IGF2BP1: variants seen among roughly 807,000 people sequenced by gnomAD.
The protein encoded by IGF2BP1 is insulin like growth factor 2 mRNA binding protein 1, also known as insulin-like growth factor 2 mRNA-binding protein 1.
IGF2BP1 carries 11 observed loss-of-function variants against 74.9 expected under a neutral mutation model. That is an observed-to-expected ratio of 0.15 (90% CI 0.09 to 0.24). IGF2BP1 has a LOEUF of 0.24. Among genes scored for constraint, IGF2BP1 ranks in the 10% least tolerant of loss-of-function variants. IGF2BP1 has a pLI of 1.00. For missense variants in IGF2BP1, 440 were observed against 757.4 expected, an observed-to-expected ratio of 0.58 and a Z score of 4.92; for synonymous variants, 287 against 281.8, an observed-to-expected ratio of 1.02 and a Z score of -0.18.
chr17:49,049,299 A>G, intron 14 of IGF2BP1, 53 bp from the exon 15 acceptor site: 3 of 1,499,830 alleles, frequency 2.0e-6, no homozygotes, highest in Admixed American at 1.7e-5. Context: ...CTTCCGTGGA[A>G]GGCTGTCTCC....
In IGF2BP1 at chr17:48,997,769, C is replaced by T. The variant is rs779595957; in HGVS notation, c.24C>T (p.Asn8=). The T allele has an allele frequency of 6.2e-7, 1 of 1,613,992 alleles. No homozygotes were observed. Among genetic ancestry groups the T allele is most frequent in the South Asian group, 1.1e-5 (1 of 91,048 alleles). ...CCATGAACAAGCTTTACATCGGCAA[C>T]CTCAACGAGAGCGTGACCCCCGCGG... MNKLYIG[N]LNESVTPADL... Residue 8 remains asparagine (N), a synonymous_variant, in exon 1 of 15, where the codon AAC becomes AAT. Coordinates refer to ENST00000290341, the MANE Select transcript of IGF2BP1 (RefSeq NM_006546.4). The surrounding 1 kb of genome is among the most constrained non-coding windows in gnomAD (Gnocchi z 4.8).
intron 4 of IGF2BP1, among the ~76,000 whole-genome samples, chr17:49,028,214 G>A (rs2041881064): frequency 6.6e-6 from 1 of 152,174 alleles, no homozygotes; most frequent in African/African-American, 2.4e-5. Context: ...AAGTGACTTT[G>A]GTTGGACATA....
rs764045800 is a variant in IGF2BP1, at chr17:48,997,736, G to T, written c.-10G>T. On this transcript the variant is annotated 5_prime_UTR_variant, in exon 1 of 15. Transcript: ENST00000290341. This position sits in a 1 kb window ranked among gnomAD's most constrained non-coding sequence, Gnocchi z 4.8. Reference sequence around the variant, plus strand: ...TGCCCGGGACCGCGTCCTGCCCCGAGACCGCCACCATGAACAAGCTTTACA... The same window carrying T: ...TGCCCGGGACCGCGTCCTGCCCCGATACCGCCACCATGAACAAGCTTTACA... The T allele has an allele frequency of 1.7e-5, 27 of 1,612,008 alleles. No homozygotes were observed. The East Asian group carries it at 6.0e-4, about 36-fold the overall frequency.
chr17:49,010,948 G>C (rs986526991), intron 2 of IGF2BP1, among the ~76,000 whole-genome samples: 2 of 151,454 alleles, frequency 1.3e-5, no homozygotes, highest in Non-Finnish European at 2.9e-5. Flanking sequence ...GGACCAGCCT[G>C]GCTAACATTG....
At position 49,045,887 on chromosome 17, in the gene IGF2BP1, C is replaced by T; in HGVS notation, c.1396-3C>T. On this transcript the variant is annotated splice_polypyrimidine_tract_variant and splice_region_variant and intron_variant, in intron 12 of 14. Coordinates refer to ENST00000290341, the MANE Select transcript of IGF2BP1 (RefSeq NM_006546.4). ...CTGATTAACAATTACCTCCTCTTCT[C>T]AGGCTCAGGGAAGAATCTATGGCAA... The T allele has an allele frequency of 6.2e-7, 1 of 1,613,338 alleles. No individual in the cohort carries two copies.
At chr17:49,019,826 C>T (rs191312391) in intron 2 of IGF2BP1, among the ~76,000 whole-genome samples, 1 of 136,054 alleles carries the variant, frequency 7.4e-6, no homozygotes, top group Non-Finnish European at 1.6e-5. Flanking sequence ...TCACTGCAAC[C>T]TCTGCTTCCC....
chr17:49,000,862 C>T (rs1017792022), intron 2 of IGF2BP1, among the ~76,000 whole-genome samples: 4 of 151,910 alleles, frequency 2.6e-5, no homozygotes, highest in Admixed American at 6.6e-5. Context: ...CATTTCTAGG[C>T]CCTTTTTCCC....
At chr17:49,038,978 A>G (rs545245950) in intron 6 of IGF2BP1, among the ~76,000 whole-genome samples, 8 of 151,224 alleles carry the variant, frequency 5.3e-5, no homozygotes, top group Non-Finnish European at 1.2e-4. Flanking sequence ...CCCGGGTTCA[A>G]GCAATTCTCC....
chr17:49,030,647 A>G (rs2041911336), intron 4 of IGF2BP1, among the ~76,000 whole-genome samples: 1 of 150,094 alleles, frequency 6.7e-6, no homozygotes, highest in South Asian at 2.1e-4. Flanking sequence ...CTTTTTTGAG[A>G]CAGAGTCTCG....
chr17:49,042,570 GAGT>G (rs749650197), intron 9 of IGF2BP1, among the ~76,000 whole-genome samples, 193 bp downstream of exon 9: 21 of 152,184 alleles, frequency 1.4e-4, no homozygotes, highest in South Asian at 4.1e-4. Flanking sequence ...CTGGTTCCTA[GAGT>G]AGGGGTCCAA....
At chr17:49,025,304 G>T (rs969575315) in intron 2 of IGF2BP1, among the ~76,000 whole-genome samples, 1 of 142,962 alleles carries the variant, frequency 7.0e-6, no homozygotes, top group African/African-American at 2.6e-5. Flanking sequence ...AAAGTGGTGG[G>T]ACAAACAAAG....
At chr17:49,009,975 G>A (rs1326429219) in intron 2 of IGF2BP1, among the ~76,000 whole-genome samples, 1 of 151,838 alleles carries the variant, frequency 6.6e-6, no homozygotes. Flanking sequence ...AGCTACTCGG[G>A]AGTCTGAGGC....
chr17:49,007,849 C>G lies in IGF2BP1; in HGVS notation c.236+8680C>G, dbSNP rs868248379. 3.3e-5 allele frequency among the ~76,000 whole-genome samples: 5 copies of G among 152,130 alleles called. No homozygotes were observed. In the South Asian group the frequency reaches 1.0e-3, roughly 31 times the overall value. ...CTCCAACTGTAATAGAGACCAGTTG[C>G]TTTGGCAGGATTTGGAGATGAAGTT... On this transcript the variant is annotated intron_variant, in intron 2 of 14. Coordinates refer to ENST00000290341, the MANE Select transcript of IGF2BP1 (RefSeq NM_006546.4).
chr17:49,017,003 C>T (rs1156640890), intron 2 of IGF2BP1, among the ~76,000 whole-genome samples: 2 of 150,580 alleles, frequency 1.3e-5, no homozygotes, highest in Admixed American at 6.6e-5. Context: ...TTTTTTTTCA[C>T]CGCCTCTCCA....
chr17:49,044,164 T>G, intron 11 of IGF2BP1, 78 bp downstream of exon 11: 2 of 1,536,420 alleles, frequency 1.3e-6, no homozygotes, highest in Non-Finnish European at 1.8e-6. Flanking sequence ...TTCTCCCATA[T>G]TCCCCCTACT....
In IGF2BP1 at chr17:48,999,164, A is replaced by C; in HGVS notation, c.231A>C (p.Lys77Asn). The C allele has an allele frequency of 9.5e-7, 1 of 1,053,120 alleles. No homozygotes were observed. Among genetic ancestry groups the C allele is most frequent in the Non-Finnish European group, 1.4e-6 (1 of 738,322 alleles). The allele number at this position is 1,053,120 out of a possible 1,614,324, so 65.2% of individuals were successfully genotyped here. A position where few individuals can be genotyped will look rare whatever the true frequency, so the allele number is the denominator to read the frequency against. ...RLEIEHSVPKKQRSRKIQIRN... is the reference protein window; with the variant it reads ...RLEIEHSVPKNQRSRKIQIRN... The stretch of plus-strand genomic sequence containing the variant: ...AGATTGAACATTCGGTGCCCAAAAA[A>C]CAAAGGTAGGAAAGAGCTCTTTTCG... The change falls in exon 2 of 15, where the codon AAA becomes AAC. Residue 77 changes from lysine (K) to asparagine (N), a missense_variant. By Grantham distance (94) the Lys-to-Asn change is moderately conservative (BLOSUM62 0). This residue lies in a region of IGF2BP1 where 105 missense variants were observed against 199.4 expected (regional missense o/e 0.53). Transcript: ENST00000290341.
chr17:49,008,441 G>C (rs1380617024), intron 2 of IGF2BP1, among the ~76,000 whole-genome samples: 1 of 152,198 alleles, frequency 6.6e-6, no homozygotes, highest in African/African-American at 2.4e-5. Flanking sequence ...ATATGCTGCT[G>C]CTGTTGGCTT....
At chr17:49,009,540 C>G (rs1308733735) in intron 2 of IGF2BP1, among the ~76,000 whole-genome samples, 1 of 150,220 alleles carries the variant, frequency 6.7e-6, no homozygotes, top group Non-Finnish European at 1.5e-5. Context: ...GAAACCCTGT[C>G]TCTAATAATA....
intron 2 of IGF2BP1, among the ~76,000 whole-genome samples, chr17:49,016,451 AGTGAT>A (rs1230566516): frequency 1.3e-5 from 2 of 152,018 alleles, no homozygotes; most frequent in African/African-American, 4.8e-5. Flanking sequence ...ATATAAGCTG[AGTGAT>A]TCCCTTCTCT....
Sources: allele counts gnomAD v4.1 joint callset (sites outside exome capture counted in the v4.1 genomes callset), GRCh38; gene constraint gnomAD v4.1.1; regional missense constraint gnomAD v4.1.1; non-coding constraint Gnocchi (gnomAD v3.1); transcripts MANE v1.5; gene names NCBI Gene and HGNC (gene_info 2026-07-23, HGNC 2026-07-21).